SLX9: variants seen among roughly 807,000 people sequenced by gnomAD.
The protein encoded by SLX9 is SLX9 ribosome biogenesis factor, also known as ribosome biogenesis protein SLX9 homolog.
Under a neutral mutation model 20.8 loss-of-function variants are expected in SLX9, and 19 were observed. The ratio of observed to expected loss-of-function variants is 0.91; its 90% CI spans 0.64 to 1.34. The LOEUF (loss-of-function observed/expected upper bound fraction) is 1.34, where lower values mean the gene tolerates loss of function less well. SLX9 is among the 40% of genes most tolerant of loss of function. The probability of loss-of-function intolerance (pLI) is 0.00; values close to 1 mark genes in which losing one functional copy is unlikely to be tolerated. For missense variants in SLX9, 299 were observed against 322.2 expected (o/e 0.93, Z 0.55); for synonymous variants, 113 against 137.1 (o/e 0.82, Z 1.23).
chr21:44,951,678 A>T (rs1000337633), intron 2 of SLX9, among the ~76,000 whole-genome samples: 2 of 152,104 alleles, frequency 1.3e-5, no homozygotes, highest in African/African-American at 4.8e-5. Context: ...GAGCCGCCCG[A>T]GCGCGCTGTG....
At chr21:44,967,472 C>G (rs1462688921) in intron 4 of SLX9, among the ~76,000 whole-genome samples, 1 of 152,002 alleles carries the variant, frequency 6.6e-6, no homozygotes, top group East Asian at 1.9e-4. Flanking sequence ...CGACATTGAC[C>G]ACAGCTCCTG....
At chr21:44,971,405 C>T (rs1171466422) in intron 4 of SLX9, among the ~76,000 whole-genome samples, 3 of 152,046 alleles carry the variant, frequency 2.0e-5, no homozygotes, top group African/African-American at 4.8e-5. Flanking sequence ...CTGTGCGTCC[C>T]GCCTGGGAGG....
At position 44,940,124 on chromosome 21, in the gene SLX9, G is replaced by GC; in HGVS notation, c.72dup (p.Gly25ArgfsTer57). ...TGCCGTGAGGCCGAAAGGGGAGGCC[G>GC]CCCCCGGCCCCGCGCCCCCTGCCCC... On this transcript the variant is annotated frameshift_variant, in exon 1 of 6. Transcript: ENST00000291634. LOFTEE classifies it high-confidence loss of function. 2 of 1,363,646 alleles carry GC rather than the reference G, an allele frequency of 1.5e-6. No homozygotes were observed. The highest frequency in any genetic ancestry group is 1.8e-5 in the South Asian group (1 of 54,686). The allele number at this position is 1,363,646 out of a possible 1,614,324, so 84.5% of individuals were successfully genotyped here. A position where few individuals can be genotyped will look rare whatever the true frequency, so the allele number is the denominator to read the frequency against.
chr21:44,962,701 G>T (rs181448226), intron 3 of SLX9, among the ~76,000 whole-genome samples: 1 of 152,288 alleles, frequency 6.6e-6, no homozygotes, highest in Admixed American at 6.5e-5. Flanking sequence ...GGAATGCTGG[G>T]TCATAGGGTA....
In SLX9 at chr21:44,976,677, C is replaced by T. The variant is rs1206405982; in HGVS notation, c.570-3C>T. ...TGCTGATCTGTGGTCTCCATTCTTTCAGCGAGGAAGAAAGGACCCGGTTTC... is the reference window on the plus strand; with the variant it reads ...TGCTGATCTGTGGTCTCCATTCTTTTAGCGAGGAAGAAAGGACCCGGTTTC... On this transcript the variant is annotated splice_region_variant and splice_polypyrimidine_tract_variant and intron_variant, in intron 5 of 5. Coordinates refer to ENST00000291634, the MANE Select transcript of SLX9 (RefSeq NM_058190.4). 1.9e-6 allele frequency: 3 copies of T among 1,580,712 alleles called. No individual in the cohort carries two copies. The highest frequency in any genetic ancestry group is 2.6e-6 in the Non-Finnish European group (3 of 1,163,438).
chr21:44,974,886 C>T (rs2085234065), intron 5 of SLX9, among the ~76,000 whole-genome samples: 2 of 152,250 alleles, frequency 1.3e-5, no homozygotes, highest in Admixed American at 6.5e-5. Context: ...CCGGGGAGCC[C>T]CTCCCTGCCT....
chr21:44,960,259 A>G lies in SLX9; in HGVS notation c.352+91A>G. ...CCTACAGCCTCACATCTGGCCTTCTACATCAGCCACACTCCCCGAGGAGTG... is the reference window on the plus strand; with the variant it reads ...CCTACAGCCTCACATCTGGCCTTCTGCATCAGCCACACTCCCCGAGGAGTG... On this transcript the variant is annotated intron_variant, in intron 3 of 5. Transcript: ENST00000291634. The G allele has an allele frequency of 2.5e-6, 3 of 1,214,082 alleles. No homozygotes were observed. In the South Asian group the frequency reaches 3.7e-5, roughly 15 times the overall value. 75.2% of individuals were successfully genotyped at this position (1,214,082 alleles called of 1,614,324 possible). A position where few individuals can be genotyped will look rare whatever the true frequency, so the allele number is the denominator to read the frequency against.
chr21:44,954,222 A>G (rs995709029), intron 2 of SLX9, among the ~76,000 whole-genome samples: 8 of 152,082 alleles, frequency 5.3e-5, no homozygotes, highest in Admixed American at 2.6e-4. Flanking sequence ...TCTTGTTTGT[A>G]TCAGCTCCAT....
intron 2 of SLX9, among the ~76,000 whole-genome samples, chr21:44,945,579 G>A (rs1049333984): frequency 6.6e-5 from 10 of 152,304 alleles, no homozygotes; most frequent in East Asian, 1.9e-4. Context: ...CTCACGACCC[G>A]TCTTGCCTAC....
Position 44,940,085 on chromosome 21 carries a change from C to T in SLX9, c.28C>T (p.Arg10Ter). MGKVRGLRA[R>*]VHQAAVRPKG... ...GGGGAAAGTGAGGGGGTTGCGCGCCCGAGTGCACCAGGCTGCCGTGAGGCC... is the reference window on the plus strand; with the variant it reads ...GGGGAAAGTGAGGGGGTTGCGCGCCTGAGTGCACCAGGCTGCCGTGAGGCC... The change falls in exon 1 of 6, where the codon CGA becomes TGA. Residue 10 changes from arginine to a stop codon, truncating the protein, a stop_gained. Transcript: ENST00000291634. LOFTEE classifies it high-confidence loss of function. 1.4e-6 allele frequency: 2 copies of T among 1,458,204 alleles called. No individual in the cohort carries two copies. Among genetic ancestry groups the T allele is most frequent in the South Asian group, 1.4e-5 (1 of 71,518 alleles). 90.3% of individuals were successfully genotyped at this position (1,458,204 alleles called of 1,614,324 possible).
intron 2 of SLX9, among the ~76,000 whole-genome samples, chr21:44,948,129 C>G (rs549477042): frequency 6.6e-6 from 1 of 152,358 alleles, no homozygotes; most frequent in South Asian, 2.1e-4. Flanking sequence ...GGCTCCAATC[C>G]TTGGCATCGG....
intron 2 of SLX9, among the ~76,000 whole-genome samples, chr21:44,946,452 C>T (rs184563775): frequency 1.5e-4 from 23 of 152,282 alleles, no homozygotes; most frequent in African/African-American, 4.8e-4. Context: ...TTGAGCCGTG[C>T]GGCAGGGTCA....
intron 4 of SLX9, among the ~76,000 whole-genome samples, chr21:44,967,854 G>A (rs74514341): frequency 2.0e-5 from 3 of 152,156 alleles, no homozygotes; most frequent in Admixed American, 6.5e-5. Flanking sequence ...ATGTGAGTGC[G>A]GTTGCTCTCC....
intron 2 of SLX9, among the ~76,000 whole-genome samples, chr21:44,949,186 G>T (rs939159606): frequency 2.6e-5 from 4 of 152,166 alleles, no homozygotes; most frequent in African/African-American, 9.7e-5. Flanking sequence ...CCCGAGCCCC[G>T]ACTTGGCTGC....
intron 3 of SLX9, among the ~76,000 whole-genome samples, chr21:44,961,981 A>G (rs2084954982): frequency 6.6e-6 from 1 of 152,228 alleles, no homozygotes; most frequent in Non-Finnish European, 1.5e-5. Context: ...GAAGAATTTT[A>G]TAGGGAATAC....
chr21:44,950,666 C>G (rs2084740689), intron 2 of SLX9, among the ~76,000 whole-genome samples: 1 of 152,238 alleles, frequency 6.6e-6, no homozygotes. Flanking sequence ...GGTGGCGCTT[C>G]TCAGGCCCAT....
At chr21:44,957,113 G>A (rs1242626988) in intron 2 of SLX9, among the ~76,000 whole-genome samples, 2 of 152,202 alleles carry the variant, frequency 1.3e-5, no homozygotes, top group Admixed American at 6.5e-5. Flanking sequence ...CTCTGTGCGG[G>A]GCCATTCAGC....
chr21:44,967,038 C>T lies in SLX9; in HGVS notation c.357C>T (p.Ile119=), dbSNP rs773402587. The change falls in exon 4 of 6, where the codon ATC becomes ATT. Residue 119 remains isoleucine, a synonymous_variant. Transcript: ENST00000291634. ...KLRREQWLQK[I]EAIKLAEQKH... Reference sequence around the variant, plus strand: ...ACGTCGTTTCTCCTTCCTTAGAAATCGAAGCCATAAAACTGGCTGAGCAGA... The same window carrying T: ...ACGTCGTTTCTCCTTCCTTAGAAATTGAAGCCATAAAACTGGCTGAGCAGA... The T allele has an allele frequency of 7.5e-6, 12 of 1,609,452 alleles. No homozygotes were observed. The highest frequency in any genetic ancestry group is 1.0e-5 in the Non-Finnish European group (12 of 1,178,794).
At chr21:44,970,607 A>C (rs1383642932) in intron 4 of SLX9, among the ~76,000 whole-genome samples, 1 of 152,074 alleles carries the variant, frequency 6.6e-6, no homozygotes, top group Non-Finnish European at 1.5e-5. Context: ...TGTCTCTGGG[A>C]ACTGCATCTT....
Sources: gnomAD v4.1 joint callset for allele counts (sites outside exome capture counted in the v4.1 genomes callset) on GRCh38, gnomAD v4.1.1 for gene constraint, MANE v1.5 for transcripts, NCBI Gene and HGNC (gene_info 2026-07-23, HGNC 2026-07-21) for gene names.